Variants in FGF14 observed in about 807,000 individuals in gnomAD.
FGF14 encodes the protein fibroblast growth factor 14, also known as fibroblast growth factor homologous factor 4.
Under a neutral mutation model 25.5 loss-of-function variants are expected in FGF14, and 5 were observed. The observed-to-expected ratio is 0.20, with a 90% confidence interval of 0.10 to 0.41. The LOEUF (loss-of-function observed/expected upper bound fraction) is 0.41. Ranked by LOEUF, FGF14 falls within the 10% of genes least tolerant of loss-of-function variation. The pLI, the probability that FGF14 is intolerant of heterozygous loss-of-function variation, is 1.00. For synonymous variants in FGF14, 138 were observed against 118.3 expected, an observed-to-expected ratio of 1.17 and a Z score of -1.08; for missense variants, 222 against 320.1, an observed-to-expected ratio of 0.69 and a Z score of 2.34.
At chr13:102,135,951 C>A (rs555961770) in intron 1 of FGF14, among the ~76,000 whole-genome samples, 1 of 152,240 alleles carries the variant, frequency 6.6e-6, no homozygotes, top group African/African-American at 2.4e-5. Context: ...CCACCACGCC[C>A]GGCCCCCGTT....
chr13:101,915,422 G>A (rs2033366707), intron 1 of FGF14, among the ~76,000 whole-genome samples: 2 of 152,266 alleles, frequency 1.3e-5, no homozygotes, highest in Admixed American at 6.5e-5. Context: ...TCCCATTAAC[G>A]TAAATAGATT....
intron 1 of FGF14, among the ~76,000 whole-genome samples, chr13:102,086,499 C>T (rs1166562241): frequency 2.0e-5 from 3 of 152,070 alleles, no homozygotes; most frequent in Admixed American, 2.0e-4. Context: ...CACTGCACTC[C>T]ATCCTGGGCG....
intron 1 of FGF14, among the ~76,000 whole-genome samples, chr13:102,135,413 C>G (rs573897912): frequency 6.6e-6 from 1 of 152,226 alleles, no homozygotes; most frequent in East Asian, 1.9e-4. Flanking sequence ...TTAGTTTCTA[C>G]AAGCCATACG....
rs139866234 is a variant in FGF14 at position 101,979,978 on chromosome 13, C to T, written c.209-104682G>A. Among the ~76,000 whole-genome samples, 270 of 152,302 alleles carry T rather than the reference C, an allele frequency of 1.8e-3. 1 individual carries two copies. The highest frequency in any genetic ancestry group is 6.2e-3 in the African/African-American group (259 of 41,566). On this transcript the variant is annotated intron_variant, in intron 1 of 4. Coordinates refer to the FGF14 transcript ENST00000376131. ...ACTAAATCGTTTGCTGCAAGGAAAACAGCTGCCCACTCTCAGCAGTGAGGC... is the reference window on the plus strand; with the variant it reads ...ACTAAATCGTTTGCTGCAAGGAAAATAGCTGCCCACTCTCAGCAGTGAGGC...
chr13:102,112,636 G>T (rs1470306624), intron 1 of FGF14, among the ~76,000 whole-genome samples: 1 of 152,092 alleles, frequency 6.6e-6, no homozygotes, highest in Non-Finnish European at 1.5e-5. Context: ...TTATCTTGGG[G>T]CATGATATGA....
At chr13:102,317,361 T>C (rs1280413966) in intron 1 of FGF14, among the ~76,000 whole-genome samples, 1 of 151,826 alleles carries the variant, frequency 6.6e-6, no homozygotes, top group East Asian at 1.9e-4. Context: ...TAATAAGTAT[T>C]AGAAAAAAAA....
chr13:101,872,167 C>T (rs1435974577), intron 2 of FGF14, among the ~76,000 whole-genome samples: 2 of 151,472 alleles, frequency 1.3e-5, no homozygotes, highest in Non-Finnish European at 2.9e-5. Context: ...TTTAACAGTG[C>T]TATCTGGGTG....
chr13:101,842,410 G>T (rs1021216526), intron 3 of FGF14, among the ~76,000 whole-genome samples: 11 of 151,964 alleles, frequency 7.2e-5, no homozygotes, highest in Non-Finnish European at 1.0e-4. Flanking sequence ...AATGGCAAAT[G>T]GAAAAATAAA....
intron 1 of FGF14, among the ~76,000 whole-genome samples, chr13:102,398,013 A>AGTGTGTGT (rs3067869): frequency 0.031 from 4,564 of 147,148 alleles, 117 homozygotes; most frequent in African/African-American, 0.061. Flanking sequence ...GACATTTAAG[A>AGTGTGTGT]GTGTGTGTGT....
At chr13:101,974,143 A>C (rs2037782554) in intron 1 of FGF14, among the ~76,000 whole-genome samples, 1 of 152,234 alleles carries the variant, frequency 6.6e-6, no homozygotes, top group African/African-American at 2.4e-5. Flanking sequence ...CCATATCTAG[A>C]AATAGGGAAT....
At chr13:101,901,795 C>T (rs1176514022) in intron 1 of FGF14, among the ~76,000 whole-genome samples, 2 of 152,098 alleles carry the variant, frequency 1.3e-5, no homozygotes, top group African/African-American at 4.8e-5. Flanking sequence ...AAAAGTACTA[C>T]TACTACCATA....
intron 1 of FGF14, among the ~76,000 whole-genome samples, chr13:102,041,989 G>T (rs1400939900): frequency 6.6e-6 from 1 of 152,118 alleles, no homozygotes; most frequent in East Asian, 1.9e-4. Flanking sequence ...TTCACTTAAA[G>T]GACTCATCTC....
chr13:101,767,285 T>G, intron 3 of FGF14, among the ~76,000 whole-genome samples: 1 of 152,174 alleles, frequency 6.6e-6, no homozygotes, highest in Non-Finnish European at 1.5e-5. Flanking sequence ...CCTGGGGAGC[T>G]GTTTTAAGTA....
At chr13:102,071,632 G>C (rs2043157391) in intron 1 of FGF14, among the ~76,000 whole-genome samples, 1 of 152,132 alleles carries the variant, frequency 6.6e-6, no homozygotes, top group Non-Finnish European at 1.5e-5. Flanking sequence ...GGATGTAATA[G>C]AAAGTGATCC....
At chr13:101,841,288 T>A (rs1359961357) in intron 3 of FGF14, among the ~76,000 whole-genome samples, 4 of 151,880 alleles carry the variant, frequency 2.6e-5, no homozygotes, top group Non-Finnish European at 4.4e-5. Flanking sequence ...GGGATAGTGG[T>A]TTACCAGGAA....
At chr13:101,931,707 G>A (rs1285986154) in intron 1 of FGF14, among the ~76,000 whole-genome samples, 1 of 152,184 alleles carries the variant, frequency 6.6e-6, no homozygotes, top group African/African-American at 2.4e-5. Context: ...ACAGGACACT[G>A]ATGCCCACGT....
rs2034736402 is a variant in FGF14, at chr13:101,716,708, C to G, written c.*6123G>C. ...TTTTTTTCTAAGGATACCTTACTTA[C>G]TGGAAACCTGGGGTCATGCAAAGAA... On this transcript the variant is annotated 3_prime_UTR_variant, in exon 5 of 5. Transcript: ENST00000376143. The G allele has an allele frequency of 6.7e-6, 1 of 150,038 alleles. No homozygotes were observed. 9.3% of individuals were successfully genotyped at this position (150,038 alleles called of 1,614,324 possible). A position where few individuals can be genotyped will look rare whatever the true frequency, so the allele number is the denominator to read the frequency against.
chr13:102,263,089 C>T, intron 1 of FGF14: 1 of 636,972 alleles, frequency 1.6e-6, no homozygotes, highest in Non-Finnish European at 2.9e-6. Context: ...TGGAGTTTCA[C>T]CTGACTTTAT....
At chr13:101,895,822 T>C (rs1293990363) in intron 1 of FGF14, among the ~76,000 whole-genome samples, 2 of 152,210 alleles carry the variant, frequency 1.3e-5, no homozygotes, top group Non-Finnish European at 2.9e-5. Context: ...CCAGTGATTC[T>C]CACGTATTTT....
Sources: gnomAD v4.1 joint callset for allele counts (sites outside exome capture counted in the v4.1 genomes callset) on GRCh38, gnomAD v4.1.1 for gene constraint, MANE v1.5 for transcripts, NCBI Gene and HGNC (gene_info 2026-07-23, HGNC 2026-07-21) for gene names.